KCNS3: variants seen among roughly 807,000 people sequenced by gnomAD.
KCNS3 encodes potassium voltage-gated channel modifier subfamily S member 3.
Under a neutral mutation model 31.0 loss-of-function variants are expected in KCNS3, and 13 were observed. That is an observed-to-expected ratio of 0.42 (90% CI 0.27 to 0.67). The LOEUF is 0.67. Ranked by LOEUF, KCNS3 falls within the 30% of genes least tolerant of loss-of-function variation. The pLI, the probability that KCNS3 is intolerant of heterozygous loss-of-function variation, is 0.25. For missense variants in KCNS3, 545 were observed against 622.4 expected, an observed-to-expected ratio of 0.88 and a Z score of 1.32; for synonymous variants, 238 against 241.5, an observed-to-expected ratio of 0.99 and a Z score of 0.13.
At chr2:17,884,328 A>G (rs1356368735) in intron 1 of KCNS3, among the ~76,000 whole-genome samples, 1 of 145,864 alleles carries the variant, frequency 6.9e-6, no homozygotes, top group Non-Finnish European at 1.5e-5. Flanking sequence ...GGCTGGGGTC[A>G]GATCAAGCTG....
At chr2:17,894,583 G>A (rs1451249427) in intron 1 of KCNS3, among the ~76,000 whole-genome samples, 1 of 152,206 alleles carries the variant, frequency 6.6e-6, no homozygotes, top group East Asian at 1.9e-4. Flanking sequence ...ACTTCAGTAG[G>A]AAACTCACAG....
intron 1 of KCNS3, among the ~76,000 whole-genome samples, chr2:17,893,982 G>A (rs959100783): frequency 7.5e-6 from 1 of 133,768 alleles, no homozygotes; most frequent in Non-Finnish European, 1.5e-5. Flanking sequence ...ATCTATGTAT[G>A]GGGGTTTGAA....
intron 1 of KCNS3, among the ~76,000 whole-genome samples, chr2:17,893,939 A>ATTTTTTTTT (rs1661919540): frequency 3.5e-5 from 3 of 84,640 alleles, no homozygotes; most frequent in South Asian, 4.3e-4. Flanking sequence ...CCCAGGAGCC[A>ATTTTTTTTT]GTTTTTTTTT....
intron 1 of KCNS3, among the ~76,000 whole-genome samples, chr2:17,906,843 T>G (rs1662330194): frequency 6.6e-6 from 1 of 152,234 alleles, no homozygotes; most frequent in Admixed American, 6.5e-5. Context: ...ATAATTTCTG[T>G]TCTCTTACAT....
rs144718402 is a variant in KCNS3, at chr2:17,932,156, G to A, written c.1148G>A (p.Gly383Glu). 1 of 1,613,944 alleles carries A rather than the reference G, an allele frequency of 6.2e-7. No homozygotes were observed. The highest frequency in any genetic ancestry group is 1.3e-5 in the African/African-American group (1 of 74,892). ...GACACCCACCCGGTCACCTTGGCGGGAAAGCTCATCGCCAGCACATGCATC... is the reference window on the plus strand; with the variant it reads ...GACACCCACCCGGTCACCTTGGCGGAAAAGCTCATCGCCAGCACATGCATC... The part of the protein sequence containing the change: ...YGDTHPVTLA[G>E]KLIASTCIIC... The change falls in exon 3 of 3, where the codon GGA becomes GAA. Residue 383 changes from glycine to glutamate, a missense_variant. Physicochemically the swap from Gly to Glu is moderately conservative, Grantham distance 98. Transcript: ENST00000304101.
At position 17,926,034 on chromosome 2, in the gene KCNS3, A is replaced by G. The variant is rs533514618; in HGVS notation, c.-59-4916A>G. Among the ~76,000 whole-genome samples the G allele has an allele frequency of 3.3e-5, 5 of 152,338 alleles. No individual in the cohort carries two copies. In the East Asian group the frequency reaches 7.7e-4, roughly 24 times the overall value. On this transcript the variant is annotated intron_variant, in intron 2 of 2. Coordinates refer to ENST00000304101, the MANE Select transcript of KCNS3 (RefSeq NM_002252.5). ...CATTGGATAAATGCTTCCATTCCAAATGGGAGAAATAGGCCAAAGCAAAGG... is the reference window on the plus strand; with the variant it reads ...CATTGGATAAATGCTTCCATTCCAAGTGGGAGAAATAGGCCAAAGCAAAGG...
chr2:17,915,530 A>T (rs1478692451), intron 1 of KCNS3, among the ~76,000 whole-genome samples: 4 of 152,268 alleles, frequency 2.6e-5, no homozygotes, highest in Non-Finnish European at 5.9e-5. Context: ...ACTCAGGCAG[A>T]TCTACCTGAG....
At chr2:17,880,436 C>T (rs1674618999) in intron 1 of KCNS3, among the ~76,000 whole-genome samples, 1 of 152,226 alleles carries the variant, frequency 6.6e-6, no homozygotes, top group African/African-American at 2.4e-5. Context: ...AGCTTCCCTT[C>T]TTCTCTTGTT....
intron 1 of KCNS3, 54 bp from the exon 2 acceptor site, chr2:17,917,626 C>T (rs550432170): frequency 3.3e-5 from 5 of 152,396 alleles, no homozygotes; most frequent in Non-Finnish European, 7.3e-5. Flanking sequence ...GGTAGAATGT[C>T]TTGGGTGTAT....
intron 2 of KCNS3, among the ~76,000 whole-genome samples, chr2:17,923,251 G>A (rs560166313): frequency 2.2e-4 from 34 of 151,988 alleles, no homozygotes; most frequent in African/African-American, 7.5e-4. Flanking sequence ...GTACCTTTTG[G>A]CCATTTATAT....
At chr2:17,882,090 C>G (rs1674657276) in intron 1 of KCNS3, among the ~76,000 whole-genome samples, 2 of 152,154 alleles carry the variant, frequency 1.3e-5, no homozygotes, top group Non-Finnish European at 2.9e-5. Flanking sequence ...GACCAATTCA[C>G]AAGTGCTTAT....
rs554414821 is a variant in KCNS3 at position 17,931,339 on chromosome 2, C to T, written c.331C>T (p.Leu111Phe). The T allele has an allele frequency of 1.9e-6, 3 of 1,614,148 alleles. No individual in the cohort carries two copies. The highest frequency in any genetic ancestry group is 1.7e-6 in the Non-Finnish European group (2 of 1,180,020). Residue 111 changes from leucine to phenylalanine, a missense_variant, in exon 3 of 3, where the codon CTC becomes TTC. Physicochemically the swap from Leu to Phe is conservative, Grantham distance 22. Transcript: ENST00000304101. The surrounding 1 kb of genome is among the most constrained non-coding windows in gnomAD (Gnocchi z 5.4). ...QEIEYWGINELFIDSCCSNRY... is the reference protein window; with the variant it reads ...QEIEYWGINEFFIDSCCSNRY... ...GATCGAGTACTGGGGCATCAACGAG[C>T]TCTTCATTGATTCTTGCTGCAGCAA...
At chr2:17,925,120 T>C (rs1662806128) in intron 2 of KCNS3, among the ~76,000 whole-genome samples, 1 of 152,220 alleles carries the variant, frequency 6.6e-6, no homozygotes, top group Non-Finnish European at 1.5e-5. Context: ...CTCTTGACTA[T>C]CTGAATGGAC....
intron 1 of KCNS3, among the ~76,000 whole-genome samples, chr2:17,907,931 G>A (rs1195508152): frequency 2.6e-5 from 4 of 152,134 alleles, no homozygotes; most frequent in Non-Finnish European, 4.4e-5. Flanking sequence ...TCTGACAATT[G>A]TGTGTCTTGG....
chr2:17,887,488 T>TCG (rs1558446367), intron 1 of KCNS3, among the ~76,000 whole-genome samples: 3 of 141,312 alleles, frequency 2.1e-5, no homozygotes, highest in African/African-American at 8.1e-5. Flanking sequence ...TCATATGATC[T>TCG]ATCTATCTAT....
intron 1 of KCNS3, among the ~76,000 whole-genome samples, chr2:17,891,430 C>G (rs1251870671): frequency 1.3e-5 from 2 of 152,084 alleles, no homozygotes; most frequent in African/African-American, 2.4e-5. Flanking sequence ...TGTGAGGTAC[C>G]ATTGCATTCA....
intron 1 of KCNS3, among the ~76,000 whole-genome samples, chr2:17,905,068 A>C (rs1662283079): frequency 6.6e-6 from 1 of 152,172 alleles, no homozygotes; most frequent in African/African-American, 2.4e-5. Flanking sequence ...CCATTTTCAC[A>C]ATAATGATTC....
intron 1 of KCNS3, among the ~76,000 whole-genome samples, chr2:17,911,430 C>T (rs939652196): frequency 1.3e-5 from 2 of 152,274 alleles, no homozygotes; most frequent in Non-Finnish European, 2.9e-5. Context: ...TATCTCATTC[C>T]CCTTTTCCTC....
intron 1 of KCNS3, among the ~76,000 whole-genome samples, chr2:17,887,155 G>C (rs1164074314): frequency 6.8e-6 from 1 of 146,908 alleles, no homozygotes; most frequent in East Asian, 2.0e-4. Flanking sequence ...GGTGCAGGTG[G>C]TATTTGGTTA....
Sources: allele counts gnomAD v4.1 joint callset (sites outside exome capture counted in the v4.1 genomes callset), GRCh38; gene constraint gnomAD v4.1.1; non-coding constraint Gnocchi (gnomAD v3.1); transcripts MANE v1.5; gene names NCBI Gene and HGNC (gene_info 2026-07-23, HGNC 2026-07-21).